Variants in CNTNAP2 observed in about 807,000 individuals in gnomAD.
CNTNAP2 encodes contactin associated protein 2, also known as contactin-associated protein-like 2.
CNTNAP2 carries 98 observed loss-of-function variants against 155.2 expected under a neutral mutation model. The ratio of observed to expected loss-of-function variants is 0.63; its 90% CI spans 0.54 to 0.75. CNTNAP2 has a LOEUF of 0.75. CNTNAP2 is among the 30% of genes least tolerant of loss of function. CNTNAP2 has a pLI of 0.00. For missense variants in CNTNAP2, 1,727 were observed against 1,688.1 expected, an observed-to-expected ratio of 1.02 and a Z score of -0.40; for synonymous variants, 651 against 631.2, an observed-to-expected ratio of 1.03 and a Z score of -0.47.
At chr7:146,945,631 A>G (rs1048648824) in intron 3 of CNTNAP2, among the ~76,000 whole-genome samples, 4 of 152,070 alleles carry the variant, frequency 2.6e-5, no homozygotes, top group Non-Finnish European at 5.9e-5. Context: ...TCGTCTTTTC[A>G]TAGAATTAGG....
At chr7:146,725,066 C>T (rs344463) in intron 1 of CNTNAP2, among the ~76,000 whole-genome samples, 5,033 of 152,130 alleles carry the variant, frequency 0.033, 104 homozygotes, top group Middle Eastern at 0.061. Flanking sequence ...TGGCTACTGG[C>T]GGTTGCTGTT....
chr7:147,686,856 T>TAA (rs57013062), intron 13 of CNTNAP2, among the ~76,000 whole-genome samples: 9 of 142,736 alleles, frequency 6.3e-5, no homozygotes, highest in African/African-American at 2.0e-4. Context: ...AGGGATAGTG[T>TAA]AAAAAAAAAA....
rs1563059130 is a variant in CNTNAP2 at position 148,365,742 on chromosome 7, A to ACATGTATACATGTATTGTATG, written c.3476-17892_3476-17891insTGTATGCATGTATACATGTAT. ...TATACGTGTATATATGTATGTGTAT[A>ACATGTATACATGTATTGTATG]CATGTATACATGTATGTGTATACGT... On this transcript the variant is annotated intron_variant, in intron 21 of 23. Transcript: ENST00000361727. 3.1e-4 allele frequency among the ~76,000 whole-genome samples: 8 copies of ACATGTATACATGTATTGTATG among 25,762 alleles called. 2 individuals are homozygous for ACATGTATACATGTATTGTATG. Among genetic ancestry groups the ACATGTATACATGTATTGTATG allele is most frequent in the Non-Finnish European group, 1.1e-3 (8 of 7,602 alleles). 16.9% of individuals were successfully genotyped at this position (25,762 alleles called of 152,430 possible).
chr7:147,394,053 T>C (rs531908612), intron 9 of CNTNAP2, among the ~76,000 whole-genome samples: 2 of 152,176 alleles, frequency 1.3e-5, no homozygotes, highest in South Asian at 2.1e-4. Flanking sequence ...TCATCTTGAA[T>C]TGTAGTTCCC....
At chr7:147,913,101 C>A (rs1014386149) in intron 14 of CNTNAP2, among the ~76,000 whole-genome samples, 4 of 152,318 alleles carry the variant, frequency 2.6e-5, no homozygotes, top group African/African-American at 9.6e-5. Context: ...CAAGCTCCTC[C>A]TTCTATGATT....
chr7:147,347,329 G>A (rs1017256893), intron 9 of CNTNAP2, among the ~76,000 whole-genome samples: 20 of 151,492 alleles, frequency 1.3e-4, no homozygotes, highest in African/African-American at 4.8e-4. Context: ...TGAAGATAAT[G>A]AGTGAAGAGT....
intron 9 of CNTNAP2, among the ~76,000 whole-genome samples, chr7:147,337,698 A>T (rs1795688613): frequency 6.6e-6 from 1 of 152,148 alleles, no homozygotes; most frequent in Non-Finnish European, 1.5e-5. Context: ...GTAAGTTGTC[A>T]TCACAAAACA....
At chr7:146,163,367 A>T (rs1284542873) in intron 1 of CNTNAP2, among the ~76,000 whole-genome samples, 1 of 151,186 alleles carries the variant, frequency 6.6e-6, no homozygotes, top group East Asian at 1.9e-4. Flanking sequence ...TGAGGTCAGG[A>T]GTTCAAGACC....
At chr7:146,913,256 AAG>A (rs1484745194) in intron 3 of CNTNAP2, among the ~76,000 whole-genome samples, 14 of 152,112 alleles carry the variant, frequency 9.2e-5, no homozygotes, top group Admixed American at 9.2e-4. Flanking sequence ...TGGTATCTGT[AAG>A]AGAGCTGCGA....
At chr7:147,920,479 C>T (rs1227788886) in intron 14 of CNTNAP2, among the ~76,000 whole-genome samples, 2 of 152,034 alleles carry the variant, frequency 1.3e-5, no homozygotes, top group African/African-American at 4.8e-5. Flanking sequence ...ATGTGCAGGG[C>T]CTTCGTTCAC....
chr7:148,411,177 A>T (rs1195062137), intron 23 of CNTNAP2, among the ~76,000 whole-genome samples: 1 of 152,184 alleles, frequency 6.6e-6, no homozygotes, highest in Non-Finnish European at 1.5e-5. Flanking sequence ...TACCATTAAG[A>T]TCCCAATCCT....
chr7:147,234,629 G>A (rs777271007), intron 8 of CNTNAP2, among the ~76,000 whole-genome samples: 7 of 152,102 alleles, frequency 4.6e-5, no homozygotes, highest in Non-Finnish European at 1.0e-4. Context: ...ATGAGCCACC[G>A]CGCCCGGCCC....
intron 3 of CNTNAP2, among the ~76,000 whole-genome samples, chr7:146,892,321 C>T (rs192979472): frequency 6.6e-6 from 1 of 152,256 alleles, no homozygotes; most frequent in Admixed American, 6.5e-5. Flanking sequence ...GAAGTGAATG[C>T]AGCCAATCTT....
At chr7:147,247,208 C>A (rs900054783) in intron 8 of CNTNAP2, among the ~76,000 whole-genome samples, 1 of 151,756 alleles carries the variant, frequency 6.6e-6, no homozygotes, top group African/African-American at 2.4e-5. Context: ...TTTTATTTCC[C>A]CTCTCCTCGG....
intron 1 of CNTNAP2, among the ~76,000 whole-genome samples, chr7:146,438,549 A>T (rs2129118759): frequency 6.6e-6 from 1 of 151,452 alleles, no homozygotes; most frequent in African/African-American, 2.4e-5. Flanking sequence ...TTCTTTTATT[A>T]GTTTGCATTT....
intron 8 of CNTNAP2, among the ~76,000 whole-genome samples, chr7:147,141,904 G>C (rs1008549047): frequency 3.3e-5 from 5 of 152,052 alleles, no homozygotes; most frequent in Non-Finnish European, 7.4e-5. Context: ...TAATTCAATA[G>C]TTTCCCATTA....
chr7:146,959,416 AT>A (rs35714874), intron 3 of CNTNAP2, among the ~76,000 whole-genome samples: 1 of 151,862 alleles, frequency 6.6e-6, no homozygotes, highest in Non-Finnish European at 1.5e-5. Context: ...CCGTAAAATT[AT>A]TTTTTTTAAA....
intron 1 of CNTNAP2, among the ~76,000 whole-genome samples, chr7:146,730,982 A>G (rs1801516013): frequency 6.6e-6 from 1 of 152,194 alleles, no homozygotes; most frequent in Non-Finnish European, 1.5e-5. Context: ...AAATTTCAGG[A>G]GCCTAGTGTT....
chr7:146,771,960 TG>T (rs1339283085), intron 1 of CNTNAP2, among the ~76,000 whole-genome samples: 1 of 152,162 alleles, frequency 6.6e-6, no homozygotes, highest in Non-Finnish European at 1.5e-5. Context: ...TGTTGTGGCA[TG>T]TTATAATATG....
Sources: allele counts gnomAD v4.1 joint callset (sites outside exome capture counted in the v4.1 genomes callset), GRCh38; gene constraint gnomAD v4.1.1; transcripts MANE v1.5; gene names NCBI Gene and HGNC (gene_info 2026-07-23, HGNC 2026-07-21).